Variants in PCDHGA9 observed in about 807,000 individuals in gnomAD.
PCDHGA9 encodes protocadherin gamma-A9.
In PCDHGA9, 37 loss-of-function variants were observed where a neutral mutation model predicts 62.5. The ratio of observed to expected loss-of-function variants is 0.59; its 90% CI spans 0.46 to 0.78. The LOEUF is 0.78. Among genes scored for constraint, PCDHGA9 ranks in the 30% least tolerant of loss-of-function variants. The probability of loss-of-function intolerance (pLI) is 0.00; values close to 1 mark genes in which losing one functional copy is unlikely to be tolerated. For synonymous variants in PCDHGA9, 459 were observed against 484.6 expected, an observed-to-expected ratio of 0.95 and a Z score of 0.69; for missense variants, 1,138 against 1,166.2, an observed-to-expected ratio of 0.98 and a Z score of 0.35.
intron 1 of PCDHGA9, chr5:141,422,968 C>A (rs766010601): frequency 6.2e-7 from 1 of 1,614,240 alleles, no homozygotes; most frequent in Non-Finnish European, 8.5e-7. Context: ...GCTGGCGCCC[C>A]GCTCTGCGGA....
intron 3 of PCDHGA9, among the ~76,000 whole-genome samples, chr5:141,508,957 C>T (rs1242113190): frequency 6.6e-6 from 1 of 151,976 alleles, no homozygotes; most frequent in Non-Finnish European, 1.5e-5. Context: ...GAAATGTCAG[C>T]GGAATGAAAG....
intron 1 of PCDHGA9, among the ~76,000 whole-genome samples, chr5:141,433,837 C>CA (rs56191208): frequency 0.14 from 15,134 of 111,544 alleles, 1,164 homozygotes; most frequent in African/African-American, 0.25. Context: ...AACTCTATCT[C>CA]AAAAAAAAAA....
intron 2 of PCDHGA9, among the ~76,000 whole-genome samples, chr5:141,495,912 CTT>C (rs1210428397): frequency 6.6e-6 from 1 of 152,140 alleles, no homozygotes; most frequent in Admixed American, 6.6e-5. Flanking sequence ...CTCTGTATAT[CTT>C]TCTTTGTCTC....
intron 1 of PCDHGA9, chr5:141,409,789 G>C (rs1390138666): frequency 1.2e-6 from 2 of 1,611,918 alleles, no homozygotes; most frequent in African/African-American, 2.7e-5. Context: ...GCGCCTTCGC[G>C]CTCACGCTGC....
intron 1 of PCDHGA9, chr5:141,419,140 G>A (rs1359933027): frequency 1.2e-6 from 2 of 1,613,750 alleles, no homozygotes; most frequent in East Asian, 2.2e-5. Flanking sequence ...CCACAGACAG[G>A]GGCAAGCCTC....
At chr5:141,426,621 C>G (rs984316174) in intron 1 of PCDHGA9, 1 of 392,280 alleles carries the variant, frequency 2.5e-6, no homozygotes, top group Non-Finnish European at 5.2e-6. Flanking sequence ...AGAGAATCCT[C>G]TAAATGTTTT....
At chr5:141,410,526 C>T in intron 1 of PCDHGA9, 4 of 1,613,920 alleles carry the variant, frequency 2.5e-6, no homozygotes, top group Non-Finnish European at 3.4e-6. Context: ...CCCCTACATT[C>T]CAATGAAGAC....
Position 141,505,388 on chromosome 5 carries a change from C to T in PCDHGA9, c.2484-5C>T, listed in dbSNP as rs756505223. ...TCTGTGCTCACCATCCTACTCTCTCCCCAGCTCCCAAAATGGCGATGACAC... is the reference window on the plus strand; with the variant it reads ...TCTGTGCTCACCATCCTACTCTCTCTCCAGCTCCCAAAATGGCGATGACAC... On this transcript the variant is annotated splice_polypyrimidine_tract_variant and splice_region_variant and intron_variant, in intron 2 of 3. Transcript: ENST00000573521. The T allele has an allele frequency of 6.2e-7, 1 of 1,613,972 alleles. No homozygotes were observed. The highest frequency in any genetic ancestry group is 2.2e-5 in the East Asian group (1 of 44,886).
At chr5:141,421,508 A>C in intron 1 of PCDHGA9, 1 of 1,614,046 alleles carries the variant, frequency 6.2e-7, no homozygotes, top group Non-Finnish European at 8.5e-7. Context: ...ATAGACCGGG[A>C]GGAGCTCTGT....
intron 1 of PCDHGA9, among the ~76,000 whole-genome samples, chr5:141,451,298 C>T (rs1221562397): frequency 6.6e-6 from 1 of 152,206 alleles, no homozygotes; most frequent in African/African-American, 2.4e-5. Context: ...CAAAGTCTTA[C>T]AAGGCAGCAA....
At chr5:141,488,389 A>G (rs1322717951) in intron 1 of PCDHGA9, among the ~76,000 whole-genome samples, 1 of 152,224 alleles carries the variant, frequency 6.6e-6, no homozygotes, top group East Asian at 1.9e-4. Context: ...GAATTTGGTG[A>G]AACCATGAAA....
intron 2 of PCDHGA9, among the ~76,000 whole-genome samples, chr5:141,503,682 G>A (rs1430771639): frequency 1.3e-5 from 2 of 151,974 alleles, no homozygotes; most frequent in South Asian, 4.1e-4. Flanking sequence ...CTTTTGGGAA[G>A]GAGAATTGAG....
Position 141,405,330 on chromosome 5 carries a change from T to A in PCDHGA9, c.2378T>A (p.Val793Asp). The stretch of plus-strand genomic sequence containing the variant: ...TGTGAGAAAAATGAGCCTTTGTGCG[T>A]CTCTGTTGATTCCAAGTTTCCTATA... ...QSCEKNEPLCVSVDSKFPIED... is the reference protein window; with the variant it reads ...QSCEKNEPLCDSVDSKFPIED... The change falls in exon 1 of 4, where the codon GTC becomes GAC. Residue 793 changes from valine to aspartate, a missense_variant. By Grantham distance (152) the Val-to-Asp change is radical. Coordinates refer to ENST00000573521, the MANE Select transcript of PCDHGA9 (RefSeq NM_018921.3). 1 of 1,614,206 alleles carries A rather than the reference T, an allele frequency of 6.2e-7. No homozygotes were observed.
rs1445356223 is a variant in PCDHGA9, at chr5:141,490,414, G to T, written c.2425-4393G>T. On this transcript the variant is annotated intron_variant, in intron 1 of 3. Transcript: ENST00000573521. This position sits in a 1 kb window ranked among gnomAD's most constrained non-coding sequence, Gnocchi z 5.4. ...TGAAGTGAGCCTTGATATCTCTCCGGACCTGCCATTTCAGATTAAGCCTTC... is the reference window on the plus strand; with the variant it reads ...TGAAGTGAGCCTTGATATCTCTCCGTACCTGCCATTTCAGATTAAGCCTTC... The T allele has an allele frequency of 1.2e-6, 2 of 1,614,138 alleles. No homozygotes were observed. The highest frequency in any genetic ancestry group is 1.7e-6 in the Non-Finnish European group (2 of 1,180,024).
chr5:141,422,150 T>C (rs773805631), intron 1 of PCDHGA9: 23 of 1,577,056 alleles, frequency 1.5e-5, no homozygotes, highest in Non-Finnish European at 1.8e-5. Context: ...CGGGGGTCTC[T>C]GGATTTTGAA....
chr5:141,432,476 A>G lies in PCDHGA9; in HGVS notation c.2424+27100A>G. 1 of 1,614,080 alleles carries G rather than the reference A, an allele frequency of 6.2e-7. No homozygotes were observed. Among genetic ancestry groups the G allele is most frequent in the East Asian group, 2.2e-5 (1 of 44,874 alleles). ...CCCCGCCCTCCCCACGGACGGTTCCACTGGCGTGGAGCTGGCTCCCCGCTC... is the reference window on the plus strand; with the variant it reads ...CCCCGCCCTCCCCACGGACGGTTCCGCTGGCGTGGAGCTGGCTCCCCGCTC... On this transcript the variant is annotated intron_variant, in intron 1 of 3. Transcript: ENST00000573521. The surrounding 1 kb of genome is among the most constrained non-coding windows in gnomAD (Gnocchi z 6.0).
Position 141,486,271 on chromosome 5 carries a change from C to G in PCDHGA9, c.2425-8536C>G, listed in dbSNP as rs143039217. ...CCCTCCCCGAGAGTGCAGAACCTGG[C>G]ACTGTGGTGGCACTTATCAGTGTGC... On this transcript the variant is annotated intron_variant, in intron 1 of 3. Coordinates refer to ENST00000573521, the MANE Select transcript of PCDHGA9 (RefSeq NM_018921.3). The surrounding 1 kb of genome is among the most constrained non-coding windows in gnomAD (Gnocchi z 5.0). 6.2e-7 allele frequency: 1 copy of G among 1,613,968 alleles called. No homozygotes were observed. Among genetic ancestry groups the G allele is most frequent in the African/African-American group, 1.3e-5 (1 of 74,902 alleles).
At position 141,408,449 on chromosome 5, in the gene PCDHGA9, G is replaced by C. The variant is rs1561713163; in HGVS notation, c.2424+3073G>C. On this transcript the variant is annotated intron_variant, in intron 1 of 3. Coordinates refer to ENST00000573521, the MANE Select transcript of PCDHGA9 (RefSeq NM_018921.3). Reference sequence around the variant, plus strand: ...CTTCAGCGTAGACGCGGAGAGCGGGGACTTACTTGTGAAGAACCGAATAGA... The same window carrying C: ...CTTCAGCGTAGACGCGGAGAGCGGGCACTTACTTGTGAAGAACCGAATAGA... The C allele has an allele frequency of 1.9e-6, 3 of 1,613,966 alleles. No individual in the cohort carries two copies. In the Admixed American group the frequency reaches 5.0e-5, roughly 27 times the overall value.
chr5:141,494,182 C>T (rs188628485), intron 1 of PCDHGA9, among the ~76,000 whole-genome samples: 132 of 152,244 alleles, frequency 8.7e-4, no homozygotes, highest in African/African-American at 3.1e-3. Flanking sequence ...AGAAGTGTCC[C>T]GGGACTTGGA....
Sources: allele counts gnomAD v4.1 joint callset (sites outside exome capture counted in the v4.1 genomes callset), GRCh38; gene constraint gnomAD v4.1.1; non-coding constraint Gnocchi (gnomAD v3.1); transcripts MANE v1.5; gene names NCBI Gene and HGNC (gene_info 2026-07-23, HGNC 2026-07-21).